Variants in SHROOM3 observed in about 807,000 individuals in gnomAD.
SHROOM3 encodes the protein shroom family member 3.
Under a neutral mutation model 138.6 loss-of-function variants are expected in SHROOM3, and 47 were observed. The observed-to-expected ratio is 0.34, with a 90% CI of 0.27 to 0.43. The LOEUF (loss-of-function observed/expected upper bound fraction) is 0.43, where lower values mean the gene tolerates loss of function less well. Among genes scored for constraint, SHROOM3 ranks in the 20% least tolerant of loss-of-function variants. The pLI, the probability that SHROOM3 is intolerant of heterozygous loss-of-function variation, is 1.00. For synonymous variants in SHROOM3, 1,062 were observed against 1,063.3 expected, an observed-to-expected ratio of 1.00 and a Z score of 0.02; for missense variants, 2,491 against 2,596.5, an observed-to-expected ratio of 0.96 and a Z score of 0.88.
chr4:76,524,850 T>C (rs536737643), intron 1 of SHROOM3, among the ~76,000 whole-genome samples: 23 of 152,216 alleles, frequency 1.5e-4, no homozygotes, highest in Non-Finnish European at 2.6e-4. Context: ...GCTGATGAGA[T>C]GTGTAGGCTC....
intron 2 of SHROOM3, among the ~76,000 whole-genome samples, chr4:76,694,620 G>A (rs1560593785): frequency 6.6e-6 from 1 of 152,190 alleles, no homozygotes; most frequent in Non-Finnish European, 1.5e-5. Flanking sequence ...TAGTAATTTG[G>A]AGAGTCCTTT....
chr4:76,453,500 G>A (rs994603985), intron 1 of SHROOM3, among the ~76,000 whole-genome samples: 3 of 151,802 alleles, frequency 2.0e-5, no homozygotes, highest in East Asian at 1.9e-4. Flanking sequence ...GGCTGGTCTC[G>A]AACTCCTGGC....
At chr4:76,644,014 T>C (rs928469590) in intron 2 of SHROOM3, among the ~76,000 whole-genome samples, 2 of 151,960 alleles carry the variant, frequency 1.3e-5, no homozygotes, top group Non-Finnish European at 2.9e-5. Flanking sequence ...CTGGCTAATT[T>C]TGTATTTTTA....
At chr4:76,728,254 C>A (rs1720768389) in intron 3 of SHROOM3, among the ~76,000 whole-genome samples, 1 of 152,182 alleles carries the variant, frequency 6.6e-6, no homozygotes, top group Non-Finnish European at 1.5e-5. Flanking sequence ...AACAAAATCT[C>A]ATCTTTAATT....
At chr4:76,534,036 A>T (rs969528466) in intron 1 of SHROOM3, among the ~76,000 whole-genome samples, 7 of 152,176 alleles carry the variant, frequency 4.6e-5, no homozygotes, top group Non-Finnish European at 1.0e-4. Context: ...TCAAGAGTCT[A>T]TGGCATGAAA....
intron 2 of SHROOM3, among the ~76,000 whole-genome samples, chr4:76,605,978 T>TAC (rs202126394): frequency 3.1e-3 from 316 of 102,234 alleles, no homozygotes; most frequent in African/African-American, 0.011. Context: ...TATACACATA[T>TAC]ACACACACAC....
intron 1 of SHROOM3, among the ~76,000 whole-genome samples, chr4:76,518,772 C>G (rs943608228): frequency 2.6e-5 from 4 of 152,146 alleles, no homozygotes; most frequent in African/African-American, 9.7e-5. Flanking sequence ...AATACTGATA[C>G]AGGTCAGGGA....
At chr4:76,474,725 G>A (rs911822065) in intron 1 of SHROOM3, among the ~76,000 whole-genome samples, 2 of 151,850 alleles carry the variant, frequency 1.3e-5, no homozygotes, top group Non-Finnish European at 2.9e-5. Flanking sequence ...GACCAGTCTG[G>A]TCAACATGGT....
chr4:76,761,796 C>T (rs1721995034), intron 9 of SHROOM3, among the ~76,000 whole-genome samples: 1 of 152,110 alleles, frequency 6.6e-6, no homozygotes, highest in Non-Finnish European at 1.5e-5. Flanking sequence ...GGGGGAGTCA[C>T]GGGCTTAGGA....
chr4:76,650,436 G>T (rs1046124816), intron 2 of SHROOM3, among the ~76,000 whole-genome samples: 9 of 152,102 alleles, frequency 5.9e-5, no homozygotes, highest in Admixed American at 5.2e-4. Context: ...CCACTGCAGG[G>T]TATATACCTC....
chr4:76,693,378 T>TTTTTTTTTTTTTG (rs1719620929), intron 2 of SHROOM3, among the ~76,000 whole-genome samples: 2 of 132,148 alleles, frequency 1.5e-5, no homozygotes, highest in African/African-American at 6.1e-5. Flanking sequence ...TTGTTTTTTT[T>TTTTTTTTTTTTTG]TTTTTTTTTT....
At position 76,704,030 on chromosome 4, in the gene SHROOM3, G is replaced by A. The variant is rs530988998; in HGVS notation, c.324-6126G>A. Among the ~76,000 whole-genome samples the A allele has an allele frequency of 6.9e-4, 105 of 152,186 alleles. 1 individual carries two copies. Among genetic ancestry groups the A allele is most frequent in the Non-Finnish European group, 1.2e-3 (85 of 68,036 alleles). On this transcript the variant is annotated intron_variant, in intron 2 of 10. Transcript: ENST00000296043. ...CGCTAATGAGATGGATCAAAAGTTA[G>A]GGCTAGATTCTATTTTCAAGAAGAA...
At chr4:76,596,321 A>G (rs1734383360) in intron 2 of SHROOM3, among the ~76,000 whole-genome samples, 3 of 152,166 alleles carry the variant, frequency 2.0e-5, no homozygotes, top group Admixed American at 2.0e-4. Flanking sequence ...TAGAGGCAAG[A>G]GGATGGCTGG....
chr4:76,436,339 C>T (rs554755626), intron 1 of SHROOM3, 119 bp downstream of exon 1: 2 of 1,118,550 alleles, frequency 1.8e-6, no homozygotes, highest in Admixed American at 2.0e-5. Flanking sequence ...TGTTTCATGC[C>T]TTTCTGATTA....
intron 1 of SHROOM3, among the ~76,000 whole-genome samples, chr4:76,453,538 A>C (rs1034972335): frequency 1.2e-4 from 18 of 152,136 alleles, no homozygotes; most frequent in African/African-American, 4.1e-4. Context: ...AAGTGCTGGG[A>C]TGAGCCACTG....
At chr4:76,614,884 T>C (rs1301500439) in intron 2 of SHROOM3, among the ~76,000 whole-genome samples, 1 of 152,222 alleles carries the variant, frequency 6.6e-6, no homozygotes, top group Non-Finnish European at 1.5e-5. Context: ...AAGGGTTGTG[T>C]CCTGAATAAG....
At chr4:76,666,920 A>G (rs996637885) in intron 2 of SHROOM3, among the ~76,000 whole-genome samples, 7 of 152,232 alleles carry the variant, frequency 4.6e-5, no homozygotes, top group Non-Finnish European at 1.0e-4. Context: ...CTGTTACAGA[A>G]TATGACATAG....
At chr4:76,626,177 T>C (rs2110069335) in intron 2 of SHROOM3, among the ~76,000 whole-genome samples, 1 of 152,306 alleles carries the variant, frequency 6.6e-6, no homozygotes, top group East Asian at 1.9e-4. Flanking sequence ...CGAACCCTAA[T>C]TCATGTAAAA....
chr4:76,704,804 G>A (rs1445927641), intron 2 of SHROOM3, among the ~76,000 whole-genome samples: 1 of 152,088 alleles, frequency 6.6e-6, no homozygotes, highest in East Asian at 1.9e-4. Context: ...GAAGTGGAAG[G>A]GGGAGGCCAG....
Sources: allele counts gnomAD v4.1 joint callset (sites outside exome capture counted in the v4.1 genomes callset), GRCh38; gene constraint gnomAD v4.1.1; transcripts MANE v1.5; gene names NCBI Gene and HGNC (gene_info 2026-07-23, HGNC 2026-07-21).